The following ENDOU variants were observed in gnomAD, a reference collection of about 807,000 sequenced individuals.
ENDOU encodes the protein uridylate-specific endoribonuclease.
Under a neutral mutation model 54.2 loss-of-function variants are expected in ENDOU, and 49 were observed. The observed-to-expected ratio is 0.90, with a 90% CI of 0.72 to 1.15. The LOEUF (loss-of-function observed/expected upper bound fraction) is 1.15. Among genes scored for constraint, ENDOU ranks in the 50% most tolerant of loss-of-function variants. ENDOU has a pLI of 0.00. For missense variants in ENDOU, 458 were observed against 511.4 expected (o/e 0.90, Z 1.01); for synonymous variants, 172 against 190.5 (o/e 0.90, Z 0.80).
chr12:47,713,373 T>C lies in ENDOU; in HGVS notation c.767A>G (p.Glu256Gly). 1 of 1,613,966 alleles carries C rather than the reference T, an allele frequency of 6.2e-7. No homozygotes were observed. Among genetic ancestry groups the C allele is most frequent in the East Asian group, 2.2e-5 (1 of 44,872 alleles). The change falls in exon 7 of 10, where the codon GAG becomes GGG. Residue 256 changes from glutamate to glycine, a missense_variant. Coordinates refer to ENST00000422538, the MANE Select transcript of ENDOU (RefSeq NM_001172439.2). ...CTTCAAGTCATCGACAAACTCTTGC[T>C]CTGAGCCATAGCGATCTGCAGAGGA... ...FLHHQNRYGSEQEFVDDLKNM... is the reference protein window; with the variant it reads ...FLHHQNRYGSGQEFVDDLKNM...
Position 47,717,618 on chromosome 12 carries a change from G to C in ENDOU, c.282C>G (p.Cys94Trp). ...GGTGGTGCTTGTCAAAGGCTTCGTA[G>C]CAGCGGCCCTGGCAGGAGGTGGGTG... ...YSAPTSCQGR[C>W]YEAFDKHHQC... Residue 94 changes from cysteine to tryptophan, a missense_variant, in exon 4 of 10, where the codon TGC (cysteine) becomes TGG (tryptophan). Physicochemically the swap from Cys to Trp is radical, Grantham distance 215. Coordinates refer to ENST00000422538, the MANE Select transcript of ENDOU (RefSeq NM_001172439.2). 2 of 1,614,156 alleles carry C rather than the reference G, an allele frequency of 1.2e-6. No individual in the cohort carries two copies. Among genetic ancestry groups the C allele is most frequent in the Non-Finnish European group, 1.7e-6 (2 of 1,180,032 alleles).
chr12:47,718,127 A>G lies in ENDOU; in HGVS notation c.244+2T>C. 1 of 1,567,892 alleles carries G rather than the reference A, an allele frequency of 6.4e-7. No individual in the cohort carries two copies. Among genetic ancestry groups the G allele is most frequent in the South Asian group, 1.2e-5 (1 of 85,356 alleles). ...GGCCCCCCTTTGGGGAGGCAGGCTC[A>G]CTGCTGGCGAGGGCCTCTTCTGTCT... On this transcript the variant is annotated splice_donor_variant, in intron 3 of 9. Coordinates refer to ENST00000422538, the MANE Select transcript of ENDOU (RefSeq NM_001172439.2). LOFTEE classifies it high-confidence loss of function.
At chr12:47,713,628 C>T (rs902679936) in intron 6 of ENDOU, among the ~76,000 whole-genome samples, 4 of 151,636 alleles carry the variant, frequency 2.6e-5, no homozygotes, top group Admixed American at 2.0e-4. Context: ...ATCTATATTA[C>T]ATTCCACTGG....
chr12:47,714,971 A>T (rs1940174561), intron 6 of ENDOU, among the ~76,000 whole-genome samples: 1 of 152,240 alleles, frequency 6.6e-6, no homozygotes, highest in Non-Finnish European at 1.5e-5. Context: ...CACACTGAAT[A>T]GTTCCCCTTA....
chr12:47,710,768 G>C lies in ENDOU; in HGVS notation c.*34C>G. On this transcript the variant is annotated 3_prime_UTR_variant, in exon 10 of 10. Transcript: ENST00000422538. ...AGAAGATAGCACTTCAGTCTCGCAA[G>C]AGCCCTCATGCCCCTTTCTGGCTCG... The C allele has an allele frequency of 7.0e-7, 1 of 1,425,958 alleles. No homozygotes were observed. The highest frequency in any genetic ancestry group is 9.9e-7 in the Non-Finnish European group (1 of 1,008,148). 88.3% of individuals were successfully genotyped at this position (1,425,958 alleles called of 1,614,324 possible). A position where few individuals can be genotyped will look rare whatever the true frequency, so the allele number is the denominator to read the frequency against.
chr12:47,713,747 G>C (rs1317776583), intron 6 of ENDOU, among the ~76,000 whole-genome samples: 1 of 149,972 alleles, frequency 6.7e-6, no homozygotes, highest in Non-Finnish European at 1.5e-5. Context: ...TGGCGGGGGG[G>C]GGGGGTCTTC....
At chr12:47,720,898 A>G in intron 1 of ENDOU, 23 bp from the exon 2 acceptor site, 14 of 1,535,688 alleles carry the variant, frequency 9.1e-6, no homozygotes, top group East Asian at 2.4e-5. Flanking sequence ...AAGGTCACCA[A>G]CTCAGCTCTA....
rs74086002 is a variant in ENDOU at position 47,710,338 on chromosome 12, A to C, written c.*464T>G. 2,960 of 153,840 alleles carry C rather than the reference A, an allele frequency of 0.019. 86 individuals are homozygous for C. Among genetic ancestry groups the C allele is most frequent in the African/African-American group, 0.067 (2,800 of 41,568 alleles). 9.5% of individuals were successfully genotyped at this position (153,840 alleles called of 1,614,324 possible). A position where few individuals can be genotyped will look rare whatever the true frequency, so the allele number is the denominator to read the frequency against. On this transcript the variant is annotated 3_prime_UTR_variant, in exon 10 of 10. Coordinates refer to ENST00000422538, the MANE Select transcript of ENDOU (RefSeq NM_001172439.2). ...AATAACAGCCATTATAGTAATCTTGAATTTCTATCAGCTGTTCTTCCTAAG... is the reference window on the plus strand; with the variant it reads ...AATAACAGCCATTATAGTAATCTTGCATTTCTATCAGCTGTTCTTCCTAAG...
chr12:47,713,484 C>T (rs1940114094), intron 6 of ENDOU, 96 bp from the exon 7 acceptor site: 3 of 773,412 alleles, frequency 3.9e-6, no homozygotes. Context: ...TCCCACACGT[C>T]AAGAAACATG....
chr12:47,713,026 G>A (rs1214642683), intron 7 of ENDOU, among the ~76,000 whole-genome samples: 2 of 152,070 alleles, frequency 1.3e-5, no homozygotes, highest in African/African-American at 4.8e-5. Flanking sequence ...TGTCCTAGAT[G>A]TACCCCCTTG....
intron 8 of ENDOU, 78 bp from the exon 9 acceptor site, chr12:47,711,853 C>A: frequency 6.6e-7 from 1 of 1,522,360 alleles, no homozygotes; most frequent in South Asian, 1.1e-5. Context: ...TGGCAACAGT[C>A]AGACAGTATT....
chr12:47,712,097 T>C (rs1940041818), intron 8 of ENDOU, among the ~76,000 whole-genome samples: 1 of 152,236 alleles, frequency 6.6e-6, no homozygotes, highest in African/African-American at 2.4e-5. Context: ...GATCGTTTAC[T>C]GCCCCCAAAT....
rs1236309746 is a variant in ENDOU at position 47,720,872 on chromosome 12, T to G, written c.59A>C (p.Lys20Thr). Residue 20 changes from lysine to threonine, a missense_variant, in exon 2 of 10, where the codon AAA becomes ACA. Coordinates refer to ENST00000422538, the MANE Select transcript of ENDOU (RefSeq NM_001172439.2). Reference sequence around the variant, plus strand: ...ACATCGAGATGCACAGGATTCTATTTTTCCTATGGGCAGTAAAGGTCACCA... The same window carrying G: ...ACATCGAGATGCACAGGATTCTATTGTTCCTATGGGCAGTAAAGGTCACCA... ...AVLCGLAWAG[K>T]IESCASRCNE... is the part of the protein sequence containing the mutation. 2 of 1,535,966 alleles carry G rather than the reference T, an allele frequency of 1.3e-6. No individual in the cohort carries two copies. The highest frequency in any genetic ancestry group is 1.7e-6 in the Non-Finnish European group (2 of 1,146,882).
Position 47,716,358 on chromosome 12 carries a change from G to A in ENDOU, c.693C>T (p.Leu231=), listed in dbSNP as rs1424075415. Residue 231 remains leucine, a synonymous_variant, in exon 6 of 10, where the codon CTC becomes CTT. Coordinates refer to ENST00000422538, the MANE Select transcript of ENDOU (RefSeq NM_001172439.2). ...TGACTGCTGTCTTCATGATCTCTCTGAGGAAGGCGTCCTGCTCGGCCAGCT... is the reference window on the plus strand; with the variant it reads ...TGACTGCTGTCTTCATGATCTCTCTAAGGAAGGCGTCCTGCTCGGCCAGCT... ...AQELAEQDAF[L]REIMKTAVMK... 2 of 1,614,016 alleles carry A rather than the reference G, an allele frequency of 1.2e-6. No individual in the cohort carries two copies. The highest frequency in any genetic ancestry group is 1.3e-5 in the African/African-American group (1 of 74,898).
At chr12:47,725,244 A>G in intron 1 of ENDOU, 115 bp downstream of exon 1, 1 of 1,169,208 alleles carries the variant, frequency 8.6e-7, no homozygotes, top group Non-Finnish European at 1.3e-6. Flanking sequence ...TTTAGGACAG[A>G]GCTCACCCTC....
intron 5 of ENDOU, 53 bp from the exon 6 acceptor site, chr12:47,716,552 C>A: frequency 1.3e-6 from 2 of 1,558,964 alleles, no homozygotes; most frequent in South Asian, 2.3e-5. Flanking sequence ...AGGGCAGCGA[C>A]CCCTCCAGAG....
intron 1 of ENDOU, 112 bp from the exon 2 acceptor site, chr12:47,720,987 G>T: frequency 9.8e-7 from 1 of 1,022,996 alleles, no homozygotes. Context: ...GCAGGGAAGG[G>T]CATTACTCTC....
At chr12:47,718,318 G>A in intron 2 of ENDOU, 124 bp from the exon 3 acceptor site, 1 of 748,446 alleles carries the variant, frequency 1.3e-6, no homozygotes, top group Non-Finnish European at 2.3e-6. Context: ...ATTCTGAACA[G>A]GGGCTGGGGT....
In ENDOU at chr12:47,725,438, G is replaced by C. The variant is rs542125769; in HGVS notation, c.-25C>G. 1.2e-6 allele frequency: 2 copies of C among 1,613,326 alleles called. No individual in the cohort carries two copies. Among genetic ancestry groups the C allele is most frequent in the South Asian group, 2.2e-5 (2 of 91,042 alleles). On this transcript the variant is annotated 5_prime_UTR_variant, in exon 1 of 10. Coordinates refer to ENST00000422538, the MANE Select transcript of ENDOU (RefSeq NM_001172439.2). Reference sequence around the variant, plus strand: ...TGGTGCCCAGTTGGAGGCCAAAAAGGGAGTGGCTGTTGGACTTTCACTAGA... The same window carrying C: ...TGGTGCCCAGTTGGAGGCCAAAAAGCGAGTGGCTGTTGGACTTTCACTAGA...
Sources: gnomAD v4.1 joint callset for allele counts (sites outside exome capture counted in the v4.1 genomes callset) on GRCh38, gnomAD v4.1.1 for gene constraint, MANE v1.5 for transcripts, NCBI Gene and HGNC (gene_info 2026-07-23, HGNC 2026-07-21) for gene names.